Variants in SIRT5 observed in about 807,000 individuals in gnomAD.
SIRT5 encodes the protein sirtuin 5.
A neutral mutation model predicts 40.0 loss-of-function variants in SIRT5; 26 were observed. The observed-to-expected ratio is 0.65, with a 90% CI of 0.48 to 0.90. The LOEUF (loss-of-function observed/expected upper bound fraction) is 0.90. SIRT5 is among the 40% of genes least tolerant of loss of function. The pLI is 0.00. For synonymous variants in SIRT5, 146 were observed against 149.1 expected (o/e 0.98, Z 0.15); for missense variants, 401 against 402.4 (o/e 1.00, Z 0.03).
Position 13,615,078 on chromosome 6 carries a change from C to T in SIRT5, c.*3213C>T. The T allele has an allele frequency of 2.4e-6, 1 of 412,060 alleles. No individual in the cohort carries two copies. Among genetic ancestry groups the T allele is most frequent in the Non-Finnish European group, 4.3e-6 (1 of 230,892 alleles). 25.5% of individuals were successfully genotyped at this position (412,060 alleles called of 1,614,324 possible). ...GTCTCGCCATCCCAGCCGAGGAGGG[C>T]AGCGCGATGGCTCTTCCCTGCCTTG... On this transcript the variant is annotated 3_prime_UTR_variant, in exon 10 of 10. Transcript: ENST00000606117.
rs147269497 is a variant in SIRT5 at position 13,599,038 on chromosome 6, A to G, written c.624A>G (p.Glu208=). ...AAGGATCCCATTCTTCCAGGTGTGA[A>G]GAGGCAGGCTGCGGGGGCTTGCTGC... The part of the protein sequence containing the change: ...SIPVEKLPRC[E]EAGCGGLLRP... Residue 208 remains glutamate (E), a synonymous_variant, in exon 8 of 10, where the codon GAA becomes GAG. Transcript: ENST00000606117. The G allele has an allele frequency of 2.2e-4, 356 of 1,613,800 alleles. No individual in the cohort carries two copies. Among genetic ancestry groups the G allele is most frequent in the Non-Finnish European group, 2.9e-4 (342 of 1,179,928 alleles).
Position 13,605,783 on chromosome 6 carries a change from T to G in SIRT5, c.857+4834T>G, listed in dbSNP as rs368460362. ...TACTCAACCCCAGGGGGCCTTGGCT[T>G]GTAGGATTTGTACATTCGCTGAGGC... is the stretch of plus-strand genomic sequence containing the variant. On this transcript the variant is annotated intron_variant, in intron 9 of 9. Transcript: ENST00000606117. The G allele has an allele frequency of 6.5e-5, 64 of 985,352 alleles. 1 individual carries two copies. The East Asian group carries it at 2.3e-3, about 35-fold the overall frequency. 61.0% of individuals were successfully genotyped at this position (985,352 alleles called of 1,614,324 possible).
intron 3 of SIRT5, among the ~76,000 whole-genome samples, chr6:13,585,484 C>T (rs1004000165): frequency 3.3e-5 from 5 of 150,214 alleles, no homozygotes; most frequent in Admixed American, 1.3e-4. Context: ...TGAGTGAGAA[C>T]GTGTGGTGTT....
chr6:13,606,377 C>CT (rs745669487), intron 9 of SIRT5, among the ~76,000 whole-genome samples: 50 of 152,216 alleles, frequency 3.3e-4, no homozygotes, highest in Non-Finnish European at 6.3e-4. Context: ...GTTTAGAAGT[C>CT]TAAGGAATTG....
chr6:13,589,477 C>G (rs1054619171), intron 4 of SIRT5: 1 of 152,236 alleles, frequency 6.6e-6, no homozygotes, highest in Non-Finnish European at 1.5e-5. Context: ...AGAACTCTGG[C>G]ACATTATAGG....
intron 6 of SIRT5, among the ~76,000 whole-genome samples, chr6:13,596,215 T>C (rs1761552030): frequency 6.6e-6 from 1 of 152,196 alleles, no homozygotes; most frequent in African/African-American, 2.4e-5. Context: ...ATTTCTTCTT[T>C]ATATCTTTCT....
chr6:13,582,426 G>A (rs561892474), intron 2 of SIRT5, among the ~76,000 whole-genome samples: 1 of 152,060 alleles, frequency 6.6e-6, no homozygotes, highest in South Asian at 2.1e-4. Context: ...TCGCATTGTT[G>A]TGTAGCTAAT....
In SIRT5 at chr6:13,615,008, T is replaced by G; in HGVS notation, c.*3143T>G. ...GGCGAGCAGCGCCTCGGGCCCGCGA[T>G]TACCGGTTTTCTGAGCACCGGACAG... On this transcript the variant is annotated 3_prime_UTR_variant, in exon 10 of 10. Transcript: ENST00000606117. The G allele has an allele frequency of 3.9e-6, 1 of 255,944 alleles. No homozygotes were observed. Among genetic ancestry groups the G allele is most frequent in the Non-Finnish European group, 7.4e-6 (1 of 134,372 alleles). 15.9% of individuals were successfully genotyped at this position (255,944 alleles called of 1,614,324 possible). A position where few individuals can be genotyped will look rare whatever the true frequency, so the allele number is the denominator to read the frequency against.
chr6:13,604,631 T>A, intron 9 of SIRT5: 1 of 1,462,236 alleles, frequency 6.8e-7, no homozygotes. Context: ...TCCCATGCCA[T>A]GGACTGAGCA....
chr6:13,591,159 C>T (rs912631175), intron 4 of SIRT5, among the ~76,000 whole-genome samples: 1 of 149,876 alleles, frequency 6.7e-6, no homozygotes, highest in African/African-American at 2.5e-5. Flanking sequence ...TGTAGATGTG[C>T]GTGTATGTAG....
At chr6:13,577,929 T>C (rs1343953923) in intron 1 of SIRT5, among the ~76,000 whole-genome samples, 1 of 152,126 alleles carries the variant, frequency 6.6e-6, no homozygotes, top group African/African-American at 2.4e-5. Context: ...CTTTTTACCG[T>C]TGAGTATGAT....
chr6:13,578,577 A>G (rs967340121), intron 1 of SIRT5, among the ~76,000 whole-genome samples: 14 of 148,790 alleles, frequency 9.4e-5, no homozygotes, highest in South Asian at 4.3e-4. Flanking sequence ...AGACGGCGCC[A>G]CTGCACTGCA....
chr6:13,575,280 G>T (rs1331331315), intron 1 of SIRT5, among the ~76,000 whole-genome samples: 1 of 152,140 alleles, frequency 6.6e-6, no homozygotes, highest in Non-Finnish European at 1.5e-5. Flanking sequence ...AACCTGAAGA[G>T]GGTGGCGCCC....
chr6:13,602,018 C>T (rs567300559), intron 9 of SIRT5, among the ~76,000 whole-genome samples: 2 of 151,952 alleles, frequency 1.3e-5, no homozygotes, highest in East Asian at 3.9e-4. Context: ...AAGAAGATAG[C>T]CTTAAAAAAA....
rs1763323706 is a variant in SIRT5, at chr6:13,607,867, C to T, written c.858-3923C>T. The stretch of plus-strand genomic sequence containing the variant: ...CTCCCTGGTTCAAGCAATTCTCCTG[C>T]CTCAGCCTCCCAAGCAGCTAGGACT... On this transcript the variant is annotated intron_variant, in intron 9 of 9. Transcript: ENST00000606117. This position sits in a 1 kb window ranked among gnomAD's most constrained non-coding sequence, Gnocchi z 4.0. Among the ~76,000 whole-genome samples, 1 of 152,108 alleles carries T rather than the reference C, an allele frequency of 6.6e-6. No homozygotes were observed. Among genetic ancestry groups the T allele is most frequent in the African/African-American group, 2.4e-5 (1 of 41,408 alleles).
intron 4 of SIRT5, chr6:13,588,997 C>G (rs1294177981): frequency 1.3e-5 from 2 of 153,010 alleles, no homozygotes; most frequent in Admixed American, 1.3e-4. Context: ...TGAGTTTTAA[C>G]AAATGGACAT....
At position 13,596,955 on chromosome 6, in the gene SIRT5, T is replaced by C; in HGVS notation, c.564-8T>C. The C allele has an allele frequency of 6.2e-7, 1 of 1,600,724 alleles. No individual in the cohort carries two copies. ...ACAATCTTTCTTTTCTAATATTATT[T>C]ACTTCAGTGCTCCAGAACCTGGAAC... On this transcript the variant is annotated splice_region_variant and splice_polypyrimidine_tract_variant and intron_variant, in intron 6 of 9. Transcript: ENST00000606117.
chr6:13,611,604 A>C (rs1333559832), intron 9 of SIRT5, among the ~76,000 whole-genome samples, 186 bp from the exon 10 acceptor site: 2 of 152,114 alleles, frequency 1.3e-5, no homozygotes, highest in East Asian at 3.9e-4. Context: ...GCCCATAGTG[A>C]AGTGTTATAA....
chr6:13,604,495 T>G (rs778197733), intron 9 of SIRT5: 1 of 1,572,216 alleles, frequency 6.4e-7, no homozygotes, highest in Non-Finnish European at 8.7e-7. Context: ...CTCCATCTCA[T>G]CTCTAATTAT....
Sources: allele counts gnomAD v4.1 joint callset (sites outside exome capture counted in the v4.1 genomes callset), GRCh38; gene constraint gnomAD v4.1.1; non-coding constraint Gnocchi (gnomAD v3.1); transcripts MANE v1.5; gene names NCBI Gene and HGNC (gene_info 2026-07-23, HGNC 2026-07-21).